JCAD: variants seen among roughly 807,000 people sequenced by gnomAD.
JCAD encodes junctional cadherin 5-associated protein.
JCAD carries 40 observed loss-of-function variants against 98.0 expected under a neutral mutation model. The observed-to-expected ratio is 0.41, with a 90% confidence interval of 0.32 to 0.53. The LOEUF is 0.53. JCAD is among the 20% of genes least tolerant of loss of function. JCAD has a pLI of 0.31. For synonymous variants in JCAD, 691 were observed against 682.3 expected, an observed-to-expected ratio of 1.01 and a Z score of -0.20; for missense variants, 1,705 against 1,738.1, an observed-to-expected ratio of 0.98 and a Z score of 0.34.
chr10:30,103,621 C>T (rs1033141060), intron 1 of JCAD, among the ~76,000 whole-genome samples: 11 of 151,622 alleles, frequency 7.3e-5, no homozygotes, highest in African/African-American at 2.7e-4. Flanking sequence ...AATACACACA[C>T]ACACACACAC....
chr10:30,078,073 T>C (rs1176605760), intron 1 of JCAD, among the ~76,000 whole-genome samples: 1 of 152,208 alleles, frequency 6.6e-6, no homozygotes, highest in African/African-American at 2.4e-5. Flanking sequence ...CTGCCAATAT[T>C]TGTGGTTGTT....
At chr10:30,020,875 G>A (rs1429634398) in intron 3 of JCAD, among the ~76,000 whole-genome samples, 3 of 152,184 alleles carry the variant, frequency 2.0e-5, no homozygotes, top group African/African-American at 4.8e-5. Context: ...GCTAGTGGGA[G>A]CACCTGTTAT....
intron 3 of JCAD, 122 bp downstream of exon 3, chr10:30,025,981 C>T: frequency 1.8e-6 from 2 of 1,142,116 alleles, no homozygotes; most frequent in East Asian, 2.4e-5. Flanking sequence ...TAAAACAATT[C>T]CCAGGGTCAA....
intron 1 of JCAD, among the ~76,000 whole-genome samples, chr10:30,108,932 G>A (rs1287738137): frequency 1.3e-5 from 2 of 152,044 alleles, no homozygotes; most frequent in African/African-American, 4.8e-5. Context: ...AACATTTAAA[G>A]AGTAGACTTT....
chr10:30,073,128 T>A (rs952978716), intron 1 of JCAD, among the ~76,000 whole-genome samples: 1 of 152,204 alleles, frequency 6.6e-6, no homozygotes, highest in Non-Finnish European at 1.5e-5. Context: ...TGCTTCCCAA[T>A]TTCCCTGTTT....
At chr10:30,043,455 T>C (rs1468504618) in intron 2 of JCAD, among the ~76,000 whole-genome samples, 1 of 152,224 alleles carries the variant, frequency 6.6e-6, no homozygotes, top group Non-Finnish European at 1.5e-5. Context: ...ACAATGCTGA[T>C]ATTCCAGCTA....
intron 1 of JCAD, among the ~76,000 whole-genome samples, chr10:30,087,673 C>T (rs893041488): frequency 2.6e-5 from 4 of 152,172 alleles, no homozygotes; most frequent in African/African-American, 9.7e-5. Flanking sequence ...TAGACTGAAG[C>T]ATCATTCTCC....
At position 30,059,180 on chromosome 10, in the gene JCAD, C is replaced by T. The variant is rs1349276865; in HGVS notation, c.-60+302G>A. On this transcript the variant is annotated intron_variant, in intron 1 of 3. Coordinates refer to ENST00000375377, the MANE Select transcript of JCAD (RefSeq NM_020848.4). The surrounding 1 kb of genome is among the most constrained non-coding windows in gnomAD (Gnocchi z 5.0). ...GAGCGCTAACGCCAGCCGCGGCCCG[C>T]GGTGCCCGCCCCGGGACCCCCGCGC... 1.3e-5 allele frequency among the ~76,000 whole-genome samples: 2 copies of T among 151,576 alleles called. No homozygotes were observed. The highest frequency in any genetic ancestry group is 4.8e-5 in the African/African-American group (2 of 41,316).
chr10:30,029,426 A>C lies in JCAD; in HGVS notation c.722T>G (p.Leu241Arg), dbSNP rs750438515. Reference sequence around the variant, plus strand: ...TGGAATGGGAATTTCCGTGCAACTCAGGCTCTCGGGGGAAAGAACTCTAGG... The same window carrying C: ...TGGAATGGGAATTTCCGTGCAACTCCGGCTCTCGGGGGAAAGAACTCTAGG... ...SLPRVLSPESLSCTEIPIPLN... is the reference protein window; with the variant it reads ...SLPRVLSPESRSCTEIPIPLN... The change falls in exon 3 of 4, where the codon CTG (leucine) becomes CGG (arginine). Residue 241 changes from leucine to arginine, a missense_variant. Leu to Arg is a moderately radical substitution (Grantham distance 102). Transcript: ENST00000375377. The C allele has an allele frequency of 1.9e-6, 3 of 1,612,140 alleles. No individual in the cohort carries two copies. Among genetic ancestry groups the C allele is most frequent in the Non-Finnish European group, 2.5e-6 (3 of 1,179,358 alleles).
At chr10:30,053,238 T>C (rs1478654552) in intron 1 of JCAD, among the ~76,000 whole-genome samples, 1 of 152,030 alleles carries the variant, frequency 6.6e-6, no homozygotes, top group East Asian at 1.9e-4. Flanking sequence ...GTGCAGGCTA[T>C]ATGTAAATGA....
chr10:30,070,317 C>G (rs1008595731), intron 1 of JCAD, among the ~76,000 whole-genome samples: 6 of 152,156 alleles, frequency 3.9e-5, no homozygotes, highest in African/African-American at 1.2e-4. Flanking sequence ...CCCCCTCCCT[C>G]CCTGAACTGA....
In JCAD at chr10:30,027,172, A is replaced by G; in HGVS notation, c.2976T>C (p.Tyr992=). Residue 992 remains tyrosine, a synonymous_variant, in exon 3 of 4, where the codon TAT becomes TAC. Transcript: ENST00000375377. The part of the protein sequence containing the change: ...SSDAKPLPAS[Y]PAEPREPQES... ...CCTGGGGCTCCCTAGGTTCAGCTGG[A>G]TAGGACGCGGGCAGTGGTTTTGCGT... 1 of 1,614,152 alleles carries G rather than the reference A, an allele frequency of 6.2e-7. No homozygotes were observed.
At chr10:30,084,149 A>C (rs937405331) in intron 1 of JCAD, among the ~76,000 whole-genome samples, 1 of 151,694 alleles carries the variant, frequency 6.6e-6, no homozygotes, top group Non-Finnish European at 1.5e-5. Context: ...GAAAAGAAAA[A>C]AGAAAAGGAA....
chr10:30,070,541 G>A (rs574325344), intron 1 of JCAD, among the ~76,000 whole-genome samples: 6 of 152,286 alleles, frequency 3.9e-5, no homozygotes, highest in African/African-American at 1.4e-4. Flanking sequence ...TTATTTGTCC[G>A]CATCTTTTTA....
intron 1 of JCAD, among the ~76,000 whole-genome samples, chr10:30,052,271 C>T (rs1837486159): frequency 6.6e-6 from 1 of 152,168 alleles, no homozygotes; most frequent in South Asian, 2.1e-4. Context: ...AGTCACTGCA[C>T]AGGAGGAAAG....
intron 1 of JCAD, among the ~76,000 whole-genome samples, chr10:30,106,854 AT>A (rs1049876739): frequency 6.6e-6 from 1 of 151,952 alleles, no homozygotes; most frequent in Non-Finnish European, 1.5e-5. Context: ...TCCCCATTTG[AT>A]TTCTCAATTA....
At chr10:30,079,282 G>T (rs1838033692) in intron 1 of JCAD, among the ~76,000 whole-genome samples, 1 of 147,980 alleles carries the variant, frequency 6.8e-6, no homozygotes, top group Non-Finnish European at 1.5e-5. Flanking sequence ...GGGAAGCGGA[G>T]CTTGCAGTGA....
chr10:30,104,437 C>T (rs576950935), intron 1 of JCAD, among the ~76,000 whole-genome samples: 1 of 152,296 alleles, frequency 6.6e-6, no homozygotes, highest in Admixed American at 6.5e-5. Flanking sequence ...CACATGGATG[C>T]AGCGGAAGGT....
chr10:30,028,764 C>T lies in JCAD; in HGVS notation c.1384G>A (p.Glu462Lys). The T allele has an allele frequency of 6.2e-7, 1 of 1,614,228 alleles. No homozygotes were observed. Among genetic ancestry groups the T allele is most frequent in the Non-Finnish European group, 8.5e-7 (1 of 1,180,038 alleles). ...GGCTGCATTCCTCCATGAGCCGGCTCTTGAGCAGTGACAGGACTGGAGTTA... is the reference window on the plus strand; with the variant it reads ...GGCTGCATTCCTCCATGAGCCGGCTTTTGAGCAGTGACAGGACTGGAGTTA... ...SYNSSPVTAQEPAHGGMQPDG... is the reference protein window; with the variant it reads ...SYNSSPVTAQKPAHGGMQPDG... Residue 462 changes from glutamate (E) to lysine (K), a missense_variant, in exon 3 of 4, where the codon GAG becomes AAG. Physicochemically the swap from Glu to Lys is moderately conservative, Grantham distance 56. Around this residue, in one of 3 missense-constraint regions of JCAD, gnomAD observed 1,278 missense variants for 1,243.1 expected, o/e 1.03. Transcript: ENST00000375377.
Sources: allele counts gnomAD v4.1 joint callset (sites outside exome capture counted in the v4.1 genomes callset), GRCh38; gene constraint gnomAD v4.1.1; regional missense constraint gnomAD v4.1.1; non-coding constraint Gnocchi (gnomAD v3.1); transcripts MANE v1.5; gene names NCBI Gene and HGNC (gene_info 2026-07-23, HGNC 2026-07-21).